PARD3: variants seen among roughly 807,000 people sequenced by gnomAD.
The protein encoded by PARD3 is par-3 family cell polarity regulator, also known as partitioning defective 3 homolog.
PARD3 carries 75 observed loss-of-function variants against 155.4 expected under a neutral mutation model. The ratio of observed to expected loss-of-function variants is 0.48; its 90% confidence interval spans 0.40 to 0.58. The LOEUF is 0.58. Among genes scored for constraint, PARD3 ranks in the 20% least tolerant of loss-of-function variants. PARD3 has a pLI of 0.00. For missense variants in PARD3, 1,642 were observed against 1,721.7 expected (o/e 0.95, Z 0.82); for synonymous variants, 576 against 610.5 (o/e 0.94, Z 0.83).
At chr10:34,780,826 G>A (rs907558227) in intron 1 of PARD3, among the ~76,000 whole-genome samples, 14 of 152,128 alleles carry the variant, frequency 9.2e-5, no homozygotes, top group African/African-American at 2.4e-4. Flanking sequence ...TAATCAGTGC[G>A]GAGGCAACAT....
chr10:34,559,853 T>A (rs1302538383), intron 2 of PARD3, among the ~76,000 whole-genome samples: 1 of 152,220 alleles, frequency 6.6e-6, no homozygotes, highest in South Asian at 2.1e-4. Flanking sequence ...TTACCACTCA[T>A]CAAAATGGAG....
intron 5 of PARD3, among the ~76,000 whole-genome samples, chr10:34,410,672 G>A (rs911934735): frequency 6.6e-6 from 1 of 152,114 alleles, no homozygotes; most frequent in Admixed American, 6.6e-5. Context: ...TTTATTTTCT[G>A]TGTTGGGACA....
intron 20 of PARD3, among the ~76,000 whole-genome samples, chr10:34,298,240 G>A: frequency 6.6e-6 from 1 of 152,324 alleles, no homozygotes; most frequent in East Asian, 1.9e-4. Flanking sequence ...AAAAGATCCA[G>A]AGAAAGAAGC....
At chr10:34,264,721 A>T (rs1430064420) in intron 22 of PARD3, among the ~76,000 whole-genome samples, 1 of 150,688 alleles carries the variant, frequency 6.6e-6, no homozygotes, top group East Asian at 2.0e-4. Flanking sequence ...TTAGCTAGGC[A>T]CTCTGCTAGC....
chr10:34,523,583 C>T (rs1292175360), intron 2 of PARD3, among the ~76,000 whole-genome samples: 2 of 152,084 alleles, frequency 1.3e-5, no homozygotes, highest in Admixed American at 6.5e-5. Context: ...CCAGATCCAG[C>T]GGCTTAGTCA....
chr10:34,577,925 C>T (rs747640074), intron 2 of PARD3, among the ~76,000 whole-genome samples: 1 of 151,696 alleles, frequency 6.6e-6, no homozygotes, highest in Non-Finnish European at 1.5e-5. Flanking sequence ...AATCAGAGCT[C>T]GCTGCAGCTT....
At chr10:34,811,384 T>C (rs1469433308) in intron 1 of PARD3, among the ~76,000 whole-genome samples, 1 of 152,202 alleles carries the variant, frequency 6.6e-6, no homozygotes, top group Admixed American at 6.5e-5. Context: ...GCAGACATTC[T>C]GCAGATTCAC....
intron 2 of PARD3, among the ~76,000 whole-genome samples, chr10:34,629,777 C>T (rs1437706916): frequency 2.0e-5 from 3 of 152,102 alleles, no homozygotes; most frequent in Non-Finnish European, 2.9e-5. Flanking sequence ...ATTCAAGACC[C>T]GCAGCTTTTA....
chr10:34,466,891 T>A (rs1403084964), intron 4 of PARD3, among the ~76,000 whole-genome samples: 3 of 152,088 alleles, frequency 2.0e-5, no homozygotes, highest in Admixed American at 2.0e-4. Flanking sequence ...GACAGCAAGA[T>A]TAGTATTTGA....
intron 1 of PARD3, among the ~76,000 whole-genome samples, chr10:34,811,057 A>G (rs772739181): frequency 1.3e-5 from 2 of 152,042 alleles, no homozygotes; most frequent in Non-Finnish European, 2.9e-5. Context: ...GGGCTCCAGC[A>G]CCTCCTTGCC....
chr10:34,609,885 C>A (rs1253561994), intron 2 of PARD3, among the ~76,000 whole-genome samples: 1 of 152,222 alleles, frequency 6.6e-6, no homozygotes, highest in East Asian at 1.9e-4. Context: ...AAGTGCTAGG[C>A]AATAAACTAT....
chr10:34,634,847 G>A (rs937641708), intron 2 of PARD3, among the ~76,000 whole-genome samples: 1 of 152,130 alleles, frequency 6.6e-6, no homozygotes, highest in South Asian at 2.1e-4. Flanking sequence ...TGGAGTGCTG[G>A]GAACAAAAGG....
rs2091373141 is a variant in PARD3 at position 34,617,927 on chromosome 10, C to T, written c.222+78391G>A. Reference sequence around the variant, plus strand: ...ACTGTGAGAGAGAAAACTTTTAAAACCTACAGTTTGTTTTGAAATTTTAAA... The same window carrying T: ...ACTGTGAGAGAGAAAACTTTTAAAATCTACAGTTTGTTTTGAAATTTTAAA... On this transcript the variant is annotated intron_variant, in intron 2 of 24. Coordinates refer to ENST00000374788, the MANE Select transcript of PARD3 (RefSeq NM_001184785.2). 2.6e-5 allele frequency among the ~76,000 whole-genome samples: 4 copies of T among 152,056 alleles called. No homozygotes were observed. The South Asian group carries it at 8.3e-4, about 31-fold the overall frequency.
intron 22 of PARD3, among the ~76,000 whole-genome samples, chr10:34,217,958 T>TG (rs1952085568): frequency 6.6e-6 from 1 of 152,124 alleles, no homozygotes; most frequent in African/African-American, 2.4e-5. Flanking sequence ...CTGGACACAT[T>TG]GGGGGGCAGG....
In PARD3 at chr10:34,347,285, G is replaced by T. The variant is rs184933058; in HGVS notation, c.2218+680C>A. On this transcript the variant is annotated intron_variant, in intron 15 of 24. Coordinates refer to ENST00000374788, the MANE Select transcript of PARD3 (RefSeq NM_001184785.2). ...CTCAGTAAATCCAACCACTCCTGTG[G>T]CAAAGCAAGAATTTATGAACTGGAT... 2.0e-3 allele frequency among the ~76,000 whole-genome samples: 308 copies of T among 152,298 alleles called. 1 individual carries two copies. The highest frequency in any genetic ancestry group is 7.2e-3 in the African/African-American group (298 of 41,574).
intron 22 of PARD3, among the ~76,000 whole-genome samples, chr10:34,183,348 G>A (rs1950348359): frequency 6.6e-6 from 1 of 152,162 alleles, no homozygotes; most frequent in African/African-American, 2.4e-5. Context: ...CCTAATACAG[G>A]AGTTATTAAG....
intron 22 of PARD3, among the ~76,000 whole-genome samples, chr10:34,201,453 G>GA (rs1951205674): frequency 6.6e-6 from 1 of 152,108 alleles, no homozygotes; most frequent in African/African-American, 2.4e-5. Context: ...AAATTATGAA[G>GA]AAATCAAAGA....
At chr10:34,172,883 T>A (rs1949868010) in intron 22 of PARD3, among the ~76,000 whole-genome samples, 1 of 152,030 alleles carries the variant, frequency 6.6e-6, no homozygotes, top group South Asian at 2.1e-4. Context: ...TAATGAGTAA[T>A]GTATTCATTA....
intron 22 of PARD3, among the ~76,000 whole-genome samples, chr10:34,133,114 G>A (rs1947699414): frequency 6.6e-6 from 1 of 152,124 alleles, no homozygotes; most frequent in Non-Finnish European, 1.5e-5. Flanking sequence ...TGTGGGACCT[G>A]ATTTTTCCTG....
Sources: gnomAD v4.1 joint callset for allele counts (sites outside exome capture counted in the v4.1 genomes callset) on GRCh38, gnomAD v4.1.1 for gene constraint, MANE v1.5 for transcripts, NCBI Gene and HGNC (gene_info 2026-07-23, HGNC 2026-07-21) for gene names.